RYR2: variants seen among roughly 807,000 people sequenced by gnomAD.
RYR2 encodes the protein ryanodine receptor 2, also known as cardiac muscle ryanodine receptor-calcium release channel.
Under a neutral mutation model 601.1 loss-of-function variants are expected in RYR2, and 227 were observed. The observed-to-expected ratio is 0.38, with a 90% confidence interval of 0.34 to 0.42. RYR2 has a LOEUF of 0.42. Ranked by LOEUF, RYR2 falls within the 10% of genes least tolerant of loss-of-function variation. The pLI, the probability that RYR2 is intolerant of heterozygous loss-of-function variation, is 1.00. For missense variants in RYR2, 4,646 were observed against 6,156.5 expected (o/e 0.75, Z 8.21); for synonymous variants, 2,223 against 2,175.1 (o/e 1.02, Z -0.61).
At chr1:237,699,061 T>A in intron 64 of RYR2, 36 bp downstream of exon 64, 2 of 964,610 alleles carry the variant, frequency 2.1e-6, no homozygotes, top group Non-Finnish European at 3.2e-6. Flanking sequence ...TAAATTACTA[T>A]AATAATGATA....
chr1:237,361,518 C>T (rs1191670105), intron 4 of RYR2, among the ~76,000 whole-genome samples: 1 of 152,156 alleles, frequency 6.6e-6, no homozygotes, highest in Non-Finnish European at 1.5e-5. Flanking sequence ...AGAATGACTT[C>T]TGAGGCTATT....
chr1:237,688,259 A>T (rs1293981559), intron 63 of RYR2, among the ~76,000 whole-genome samples: 2 of 152,212 alleles, frequency 1.3e-5, no homozygotes, highest in Non-Finnish European at 2.9e-5. Flanking sequence ...CTAGGTTTTG[A>T]GACAGTGTTG....
intron 14 of RYR2, among the ~76,000 whole-genome samples, chr1:237,447,411 G>C (rs940457736): frequency 2.0e-5 from 3 of 152,148 alleles, no homozygotes; most frequent in African/African-American, 7.2e-5. Context: ...AGAGTACCAA[G>C]TATGAGAAAT....
At chr1:237,622,119 GA>G (rs545351133) in intron 38 of RYR2, among the ~76,000 whole-genome samples, 72 of 151,676 alleles carry the variant, frequency 4.7e-4, no homozygotes, top group Non-Finnish European at 8.1e-4. Flanking sequence ...AACGTTTAGG[GA>G]AAAAAAATCA....
At chr1:237,056,184 A>ACACTGCACCTGTGAGGACTGGAG (rs1184781240) in intron 1 of RYR2, among the ~76,000 whole-genome samples, 2 of 134,344 alleles carry the variant, frequency 1.5e-5, no homozygotes, top group African/African-American at 2.9e-5. Flanking sequence ...GAGGATTGGA[A>ACACTGCACCTGTGAGGACTGGAG]CACTGCACCT....
At chr1:237,474,429 G>T (rs145506194) in intron 17 of RYR2, among the ~76,000 whole-genome samples, 108 of 151,828 alleles carry the variant, frequency 7.1e-4, no homozygotes, top group African/African-American at 2.5e-3. Context: ...TTCTATATAT[G>T]CCTGGGACCA....
At chr1:237,176,193 C>T (rs143016583) in intron 1 of RYR2, among the ~76,000 whole-genome samples, 1 of 150,036 alleles carries the variant, frequency 6.7e-6, no homozygotes, top group Non-Finnish European at 1.5e-5. Context: ...GCTATGATCA[C>T]TTCACTGCAC....
Position 237,650,045 on chromosome 1 carries a change from C to T in RYR2, c.7681C>T (p.Leu2561Phe), listed in dbSNP as rs2148796916. 1 of 1,614,050 alleles carries T rather than the reference C, an allele frequency of 6.2e-7. No homozygotes were observed. The highest frequency in any genetic ancestry group is 1.3e-5 in the African/African-American group (1 of 75,072). The change falls in exon 50 of 105, where the codon CTT becomes TTT. Residue 2561 changes from leucine (L) to phenylalanine (F), a missense_variant. By Grantham distance (22) the Leu-to-Phe change is conservative (BLOSUM62 0). Around this residue, in one of 17 missense-constraint regions of RYR2, gnomAD observed 1,497 missense variants for 1,842.6 expected, o/e 0.81. Transcript: ENST00000366574. ...GTATAGACTTTCTAAGGGCTGTTCACTTACCAAAGCTCAGCGGGATTCCAT... is the reference window on the plus strand; with the variant it reads ...GTATAGACTTTCTAAGGGCTGTTCATTTACCAAAGCTCAGCGGGATTCCAT... ...TVYRLSKGCSLTKAQRDSIEV... is the reference protein window; with the variant it reads ...TVYRLSKGCSFTKAQRDSIEV...
At chr1:237,258,707 T>G (rs1688232530) in intron 1 of RYR2, among the ~76,000 whole-genome samples, 1 of 152,204 alleles carries the variant, frequency 6.6e-6, no homozygotes, top group Non-Finnish European at 1.5e-5. Flanking sequence ...CACTAAAGAT[T>G]GCTGATGGCT....
intron 1 of RYR2, among the ~76,000 whole-genome samples, chr1:237,135,363 T>C (rs1004396258): frequency 6.6e-6 from 1 of 152,026 alleles, no homozygotes; most frequent in Admixed American, 6.6e-5. Context: ...TTGTTGGTTT[T>C]TTTTTTATTT....
intron 1 of RYR2, among the ~76,000 whole-genome samples, chr1:237,092,272 A>C (rs1376666497): frequency 6.6e-6 from 1 of 152,148 alleles, no homozygotes; most frequent in African/African-American, 2.4e-5. Flanking sequence ...ATGTAAAAGC[A>C]GGCTGAAATA....
chr1:237,316,340 C>A (rs1441154348), intron 2 of RYR2, among the ~76,000 whole-genome samples: 1 of 152,118 alleles, frequency 6.6e-6, no homozygotes, highest in Non-Finnish European at 1.5e-5. Flanking sequence ...GCAGTAGTTT[C>A]TTAAATTGTC....
At chr1:237,646,475 A>G (rs1371553836) in intron 48 of RYR2, among the ~76,000 whole-genome samples, 3 of 152,098 alleles carry the variant, frequency 2.0e-5, no homozygotes, top group Non-Finnish European at 4.4e-5. Context: ...AACCACCAAT[A>G]TTTCTTTCTC....
intron 17 of RYR2, among the ~76,000 whole-genome samples, chr1:237,489,091 A>C (rs1409547864): frequency 6.6e-6 from 1 of 152,206 alleles, no homozygotes; most frequent in Non-Finnish European, 1.5e-5. Flanking sequence ...TAGAATACAC[A>C]ATAAAATTTT....
intron 24 of RYR2, 42 bp downstream of exon 24, chr1:237,511,833 T>TG (rs1428454325): frequency 7.3e-6 from 2 of 274,836 alleles, no homozygotes; most frequent in Non-Finnish European, 1.1e-5. Flanking sequence ...CTGCCTTCCC[T>TG]GAAAAAAAAA....
chr1:237,375,869 C>T (rs1700991964), intron 7 of RYR2, among the ~76,000 whole-genome samples: 1 of 152,192 alleles, frequency 6.6e-6, no homozygotes, highest in Non-Finnish European at 1.5e-5. Flanking sequence ...TGTTTTCATA[C>T]ATTGAGAAGA....
intron 1 of RYR2, among the ~76,000 whole-genome samples, chr1:237,240,682 A>AC (rs1218712092): frequency 7.7e-4 from 115 of 148,858 alleles, no homozygotes; most frequent in African/African-American, 2.7e-3. Context: ...AAAAAAAAAA[A>AC]AAAAAAACAG....
intron 41 of RYR2, among the ~76,000 whole-genome samples, chr1:237,628,498 A>G (rs1264478617): frequency 2.0e-5 from 3 of 151,292 alleles, no homozygotes; most frequent in Non-Finnish European, 4.4e-5. Flanking sequence ...GCGATAGTTT[A>G]CTGAGAATGA....
chr1:237,819,025 C>T lies in RYR2; in HGVS notation c.14434-11C>T. On this transcript the variant is annotated splice_polypyrimidine_tract_variant and intron_variant, in intron 100 of 104. Coordinates refer to ENST00000366574, the MANE Select transcript of RYR2 (RefSeq NM_001035.3). This position sits in a 1 kb window ranked among gnomAD's most constrained non-coding sequence, Gnocchi z 4.0. The stretch of plus-strand genomic sequence containing the variant: ...GTCCCTCCAAGAAGTGATACCATGT[C>T]TTTTTTCCAGTGCTATATGTTCCAC... The T allele has an allele frequency of 6.2e-7, 1 of 1,602,080 alleles. No homozygotes were observed. The highest frequency in any genetic ancestry group is 8.5e-7 in the Non-Finnish European group (1 of 1,171,564).
Sources: gnomAD v4.1 joint callset for allele counts (sites outside exome capture counted in the v4.1 genomes callset) on GRCh38, gnomAD v4.1.1 for gene constraint, gnomAD v4.1.1 regional missense constraint, Gnocchi (gnomAD v3.1) non-coding constraint, MANE v1.5 for transcripts, NCBI Gene and HGNC (gene_info 2026-07-23, HGNC 2026-07-21) for gene names.